KCND2: variants seen among roughly 807,000 people sequenced by gnomAD.
KCND2 encodes potassium voltage-gated channel subfamily D member 2.
A neutral mutation model predicts 54.4 loss-of-function variants in KCND2; 16 were observed. That is an observed-to-expected ratio of 0.29 (90% confidence interval 0.20 to 0.45). The LOEUF is 0.45. KCND2 is among the 20% of genes least tolerant of loss of function. The probability of loss-of-function intolerance (pLI) is 1.00; values close to 1 mark genes in which losing one functional copy is unlikely to be tolerated. For synonymous variants in KCND2, 317 were observed against 310.7 expected (o/e 1.02, Z -0.21); for missense variants, 486 against 824.2 (o/e 0.59, Z 5.02).
intron 1 of KCND2, among the ~76,000 whole-genome samples, chr7:120,723,039 C>T (rs191619689): frequency 8.5e-5 from 13 of 152,198 alleles, no homozygotes; most frequent in African/African-American, 2.6e-4. Context: ...AACCATGCAC[C>T]GTGGGGAGTT....
At chr7:120,533,747 C>T (rs1791869803) in intron 1 of KCND2, among the ~76,000 whole-genome samples, 1 of 152,042 alleles carries the variant, frequency 6.6e-6, no homozygotes, top group Non-Finnish European at 1.5e-5. Context: ...TAAATGATTC[C>T]ACAGTTTTTT....
chr7:120,637,383 C>A (rs1429975865), intron 1 of KCND2, among the ~76,000 whole-genome samples: 1 of 151,926 alleles, frequency 6.6e-6, no homozygotes, highest in African/African-American at 2.4e-5. Context: ...TCCTGTCCTG[C>A]CAAGATGTAG....
intron 2 of KCND2, among the ~76,000 whole-genome samples, chr7:120,739,302 G>A (rs567645008): frequency 3.3e-5 from 5 of 152,020 alleles, no homozygotes; most frequent in Admixed American, 2.6e-4. Flanking sequence ...GAGACTTGAA[G>A]ACTGAAATTT....
chr7:120,743,294 TCA>T (rs1703750997), intron 4 of KCND2, among the ~76,000 whole-genome samples: 1 of 152,170 alleles, frequency 6.6e-6, no homozygotes, highest in Non-Finnish European at 1.5e-5. Flanking sequence ...GTCAGCTCAC[TCA>T]CTCTCGGGTG....
intron 1 of KCND2, among the ~76,000 whole-genome samples, chr7:120,589,376 T>G (rs1023638823): frequency 2.0e-5 from 3 of 152,218 alleles, no homozygotes; most frequent in African/African-American, 7.2e-5. Context: ...ACACATTTAA[T>G]AGACAATAAA....
intron 1 of KCND2, among the ~76,000 whole-genome samples, chr7:120,508,890 G>GTTTTTTT (rs1803069544): frequency 2.9e-5 from 3 of 103,518 alleles, no homozygotes; most frequent in African/African-American, 2.7e-4. Flanking sequence ...TGCCTTTCAC[G>GTTTTTTT]ATTTTTTTTT....
intron 1 of KCND2, among the ~76,000 whole-genome samples, chr7:120,522,008 T>C (rs1791702544): frequency 6.6e-6 from 1 of 152,126 alleles, no homozygotes; most frequent in Non-Finnish European, 1.5e-5. Flanking sequence ...TCTGAACAAA[T>C]AAAGTCATAA....
intron 1 of KCND2, among the ~76,000 whole-genome samples, chr7:120,490,378 A>G (rs1802762613): frequency 6.6e-6 from 1 of 152,190 alleles, no homozygotes; most frequent in Non-Finnish European, 1.5e-5. Flanking sequence ...CCCAGTAGTT[A>G]TTAGACCAAC....
At chr7:120,298,450 G>A (rs897437374) in intron 1 of KCND2, among the ~76,000 whole-genome samples, 27 of 152,314 alleles carry the variant, frequency 1.8e-4, no homozygotes, top group African/African-American at 6.3e-4. Flanking sequence ...CAGTCCAGGT[G>A]TTTGGTGATT....
At chr7:120,529,035 T>G (rs1791811181) in intron 1 of KCND2, among the ~76,000 whole-genome samples, 1 of 152,228 alleles carries the variant, frequency 6.6e-6, no homozygotes, top group Non-Finnish European at 1.5e-5. Context: ...CTTAATATTT[T>G]TCCTCCTTGG....
intron 1 of KCND2, among the ~76,000 whole-genome samples, chr7:120,619,238 T>C (rs1458384999): frequency 6.6e-6 from 1 of 152,146 alleles, no homozygotes; most frequent in Non-Finnish European, 1.5e-5. Flanking sequence ...GATACCAGCC[T>C]GGGAAACATG....
At chr7:120,562,520 T>C (rs1413633906) in intron 1 of KCND2, among the ~76,000 whole-genome samples, 1 of 152,160 alleles carries the variant, frequency 6.6e-6, no homozygotes, top group African/African-American at 2.4e-5. Context: ...GAAGAAACTT[T>C]ATTACCAAGT....
intron 4 of KCND2, among the ~76,000 whole-genome samples, chr7:120,745,354 G>A (rs1195475786): frequency 6.6e-6 from 1 of 151,820 alleles, no homozygotes; most frequent in African/African-American, 2.4e-5. Context: ...TCTAACTTGG[G>A]GCATCCTATT....
chr7:120,516,113 G>GT (rs1450397920), intron 1 of KCND2, among the ~76,000 whole-genome samples: 2 of 152,024 alleles, frequency 1.3e-5, no homozygotes, highest in African/African-American at 4.8e-5. Context: ...CAAATTTCAA[G>GT]TAATACTGTT....
At chr7:120,477,685 C>A (rs1043892519) in intron 1 of KCND2, among the ~76,000 whole-genome samples, 2 of 152,036 alleles carry the variant, frequency 1.3e-5, no homozygotes, top group African/African-American at 4.8e-5. Context: ...GAACTGCTTA[C>A]ACTCTAAGGC....
At chr7:120,687,411 A>G (rs1365708502) in intron 1 of KCND2, among the ~76,000 whole-genome samples, 1 of 152,176 alleles carries the variant, frequency 6.6e-6, no homozygotes, top group Non-Finnish European at 1.5e-5. Context: ...AAAAGGATAA[A>G]TCTCATGGTA....
chr7:120,300,310 A>G (rs1325148089), intron 1 of KCND2, among the ~76,000 whole-genome samples: 3 of 152,140 alleles, frequency 2.0e-5, no homozygotes, highest in Non-Finnish European at 2.9e-5. Flanking sequence ...TCAAAACCCT[A>G]GATGAACTCT....
intron 1 of KCND2, among the ~76,000 whole-genome samples, chr7:120,561,598 A>AAT (rs1792233457): frequency 4.2e-5 from 2 of 47,280 alleles, no homozygotes; most frequent in African/African-American, 1.6e-4. Flanking sequence ...AAGCTACCTG[A>AAT]TTTTTTTTTT....
At chr7:120,702,897 T>C (rs573014822) in intron 1 of KCND2, among the ~76,000 whole-genome samples, 1 of 152,268 alleles carries the variant, frequency 6.6e-6, no homozygotes, top group Admixed American at 6.5e-5. Context: ...GGTTTACCTA[T>C]ATAACAAACC....
Sources: allele counts gnomAD v4.1 joint callset (sites outside exome capture counted in the v4.1 genomes callset), GRCh38; gene constraint gnomAD v4.1.1; transcripts MANE v1.5; gene names NCBI Gene and HGNC (gene_info 2026-07-23, HGNC 2026-07-21).